ZNF98: variants seen among roughly 807,000 people sequenced by gnomAD.
The protein encoded by ZNF98 is zinc finger protein 739.
In ZNF98, 8 loss-of-function variants were observed where a neutral mutation model predicts 12.8. That is an observed-to-expected ratio of 0.63 (90% CI 0.37 to 1.13). The LOEUF (loss-of-function observed/expected upper bound fraction) is 1.13, where lower values mean the gene tolerates loss of function less well. Ranked by LOEUF, ZNF98 falls within the 50% of genes most tolerant of loss-of-function variation. The probability of loss-of-function intolerance (pLI) is 0.01; values close to 1 mark genes in which losing one functional copy is unlikely to be tolerated. For missense variants in ZNF98, 379 were observed against 666.1 expected (o/e 0.57, Z 4.74); for synonymous variants, 112 against 223.5 (o/e 0.50, Z 4.45).
chr19:22,419,816 A>G (rs1230081557), intron 1 of ZNF98, among the ~76,000 whole-genome samples: 1 of 152,180 alleles, frequency 6.6e-6, no homozygotes, highest in African/African-American at 2.4e-5. Flanking sequence ...AGGATACAGA[A>G]CAGAGATATT....
At chr19:22,419,401 G>A (rs530569404) in intron 1 of ZNF98, among the ~76,000 whole-genome samples, 2 of 152,178 alleles carry the variant, frequency 1.3e-5, no homozygotes, top group African/African-American at 4.8e-5. Flanking sequence ...CTGGGGGTGA[G>A]CAGGCTGGGA....
At chr19:22,418,384 G>GA (rs976403239) in intron 1 of ZNF98, among the ~76,000 whole-genome samples, 4 of 151,518 alleles carry the variant, frequency 2.6e-5, no homozygotes, top group Admixed American at 1.3e-4. Flanking sequence ...ATAAGACAAA[G>GA]AAAAAAAATG....
At chr19:22,401,642 C>T (rs1265862992) in intron 3 of ZNF98, among the ~76,000 whole-genome samples, 2 of 151,502 alleles carry the variant, frequency 1.3e-5, no homozygotes, top group African/African-American at 4.8e-5. Flanking sequence ...TGTCACCACG[C>T]CTGACTAATT....
intron 1 of ZNF98, among the ~76,000 whole-genome samples, chr19:22,410,097 A>G (rs533360477): frequency 6.6e-6 from 1 of 152,246 alleles, no homozygotes; most frequent in African/African-American, 2.4e-5. Flanking sequence ...AAAAAGTCAG[A>G]AACAATAGAT....
At chr19:22,404,080 C>T (rs557594557) in intron 1 of ZNF98, among the ~76,000 whole-genome samples, 3 of 152,282 alleles carry the variant, frequency 2.0e-5, no homozygotes, top group South Asian at 2.1e-4. Flanking sequence ...ATTAGCCAGG[C>T]GTGGAGGCGA....
At position 22,417,819 on chromosome 19, in the gene ZNF98, G is replaced by A. The variant is rs374202875; in HGVS notation, c.30+4376C>T. On this transcript the variant is annotated intron_variant, in intron 1 of 3. Transcript: ENST00000357774. ...GGACACATTAATATCTAGTGGGTAT[G>A]CTCGTGAGTGAGAGGGAATCCTGTG... Among the ~76,000 whole-genome samples, 13 of 152,272 alleles carry A rather than the reference G, an allele frequency of 8.5e-5. No individual in the cohort carries two copies. In the East Asian group the frequency reaches 9.7e-4, roughly 11 times the overall value.
At chr19:22,397,596 GA>G (rs1006912856) in intron 3 of ZNF98, among the ~76,000 whole-genome samples, 5 of 147,504 alleles carry the variant, frequency 3.4e-5, no homozygotes, top group African/African-American at 5.0e-5. Context: ...TATACAACGA[GA>G]AAAAAAATCT....
At chr19:22,394,499 T>C (rs1969367709) in intron 3 of ZNF98, among the ~76,000 whole-genome samples, 1 of 152,158 alleles carries the variant, frequency 6.6e-6, no homozygotes, top group Non-Finnish European at 1.5e-5. Context: ...CAGAATACTA[T>C]GTATTCATGA....
intron 1 of ZNF98, among the ~76,000 whole-genome samples, chr19:22,413,365 T>C (rs1207168608): frequency 6.6e-6 from 1 of 152,172 alleles, no homozygotes; most frequent in Non-Finnish European, 1.5e-5. Flanking sequence ...GAAAAGCTTT[T>C]CAAACTGACA....
intron 1 of ZNF98, among the ~76,000 whole-genome samples, chr19:22,415,956 G>GACACACACACACAC (rs71180550): frequency 0.01 from 1,126 of 111,310 alleles, 23 homozygotes; most frequent in African/African-American, 0.027. Flanking sequence ...AAAAACTACA[G>GACACACACACACAC]ACACACACAC....
intron 1 of ZNF98, among the ~76,000 whole-genome samples, chr19:22,415,225 G>A (rs188525781): frequency 1.1e-4 from 17 of 152,240 alleles, no homozygotes; most frequent in African/African-American, 4.1e-4. Context: ...AAAGGTAACA[G>A]ATGCTGGCAA....
chr19:22,414,096 G>A (rs546078393), intron 1 of ZNF98, among the ~76,000 whole-genome samples: 5 of 151,028 alleles, frequency 3.3e-5, no homozygotes, highest in Admixed American at 1.3e-4. Context: ...TTAGCCGGGC[G>A]TGGTGGCAGG....
chr19:22,399,769 G>A (rs1320087851), intron 3 of ZNF98, among the ~76,000 whole-genome samples: 2 of 152,098 alleles, frequency 1.3e-5, no homozygotes, highest in Admixed American at 6.6e-5. Context: ...AAAAATAAAT[G>A]GTGCCTTATT....
At chr19:22,413,874 A>C (rs945275642) in intron 1 of ZNF98, among the ~76,000 whole-genome samples, 1 of 149,922 alleles carries the variant, frequency 6.7e-6, no homozygotes, top group African/African-American at 2.5e-5. Context: ...CGTCTCAAAA[A>C]AAAAAAAAAA....
chr19:22,408,158 C>T (rs1402115713), intron 1 of ZNF98, among the ~76,000 whole-genome samples: 3 of 152,148 alleles, frequency 2.0e-5, no homozygotes, highest in African/African-American at 7.2e-5. Context: ...AATCAATAAA[C>T]GTAATTCATG....
At chr19:22,407,247 G>A (rs1969530089) in intron 1 of ZNF98, among the ~76,000 whole-genome samples, 1 of 151,792 alleles carries the variant, frequency 6.6e-6, no homozygotes, top group Non-Finnish European at 1.5e-5. Context: ...AGTAGAGATA[G>A]GGTTTCATCT....
In ZNF98 at chr19:22,392,722, T is replaced by C; in HGVS notation, c.513A>G (p.Arg171=). The change falls in exon 4 of 4, where the codon AGA becomes AGG. Residue 171 remains arginine, a synonymous_variant. Coordinates refer to ENST00000357774, the MANE Select transcript of ZNF98 (RefSeq NM_001098626.2). ...KVFHKFSNSN[R]HKIGHTGKKS... is the part of the protein sequence containing the mutation. ...TCTTTCCAGTATGTCCTATCTTATG[T>C]CTGTTTGAATTTGAAAATTTATGAA... 6.2e-7 allele frequency: 1 copy of C among 1,605,514 alleles called. No individual in the cohort carries two copies. The highest frequency in any genetic ancestry group is 8.5e-7 in the Non-Finnish European group (1 of 1,175,640).
chr19:22,419,179 T>C (rs1370200270), intron 1 of ZNF98, among the ~76,000 whole-genome samples: 3 of 152,218 alleles, frequency 2.0e-5, no homozygotes, highest in African/African-American at 7.2e-5. Context: ...TAGGCATTTC[T>C]TTCTGTTACA....
intron 3 of ZNF98, among the ~76,000 whole-genome samples, chr19:22,397,316 A>G (rs1434843222): frequency 6.6e-6 from 1 of 152,012 alleles, no homozygotes; most frequent in Non-Finnish European, 1.5e-5. Flanking sequence ...TAATTATAGT[A>G]GGATATTTTG....
Sources: allele counts gnomAD v4.1 joint callset (sites outside exome capture counted in the v4.1 genomes callset), GRCh38; gene constraint gnomAD v4.1.1; transcripts MANE v1.5; gene names NCBI Gene and HGNC (gene_info 2026-07-23, HGNC 2026-07-21).